The following CCDC88A variants were observed in gnomAD, a reference collection of about 807,000 sequenced individuals.
The protein encoded by CCDC88A is coiled-coil and HOOK domain protein 88A.
CCDC88A carries 54 observed loss-of-function variants against 234.3 expected under a neutral mutation model. The ratio of observed to expected loss-of-function variants is 0.23; its 90% CI spans 0.19 to 0.29. CCDC88A has a LOEUF of 0.29. Among genes scored for constraint, CCDC88A ranks in the 10% least tolerant of loss-of-function variants. The pLI, the probability that CCDC88A is intolerant of heterozygous loss-of-function variation, is 1.00. For synonymous variants in CCDC88A, 753 were observed against 737.8 expected, an observed-to-expected ratio of 1.02 and a Z score of -0.33; for missense variants, 1,832 against 2,123.4, an observed-to-expected ratio of 0.86 and a Z score of 2.70.
At chr2:55,363,709 C>G in intron 6 of CCDC88A, 1 of 340,946 alleles carries the variant, frequency 2.9e-6, no homozygotes. Flanking sequence ...CCTCATTCCT[C>G]AAATAACACT....
intron 8 of CCDC88A, among the ~76,000 whole-genome samples, chr2:55,353,997 C>T (rs552393077): frequency 2.2e-4 from 34 of 152,200 alleles, no homozygotes; most frequent in East Asian, 7.7e-4. Context: ...ATGGTATAGC[C>T]TATTGCTTCT....
intron 18 of CCDC88A, among the ~76,000 whole-genome samples, chr2:55,320,291 T>G (rs1683464694): frequency 6.6e-6 from 1 of 152,170 alleles, no homozygotes; most frequent in South Asian, 2.1e-4. Flanking sequence ...CTCTACCGAT[T>G]ATTCCAGGTG....
Position 55,312,439 on chromosome 2 carries a change from C to A in CCDC88A, c.4074G>T (p.Gln1358His). 1 of 1,611,282 alleles carries A rather than the reference C, an allele frequency of 6.2e-7. No homozygotes were observed. The highest frequency in any genetic ancestry group is 8.5e-7 in the Non-Finnish European group (1 of 1,178,660). The change falls in exon 23 of 33, where the codon CAG becomes CAT. Residue 1358 changes from glutamine (Q) to histidine (H), a missense_variant. Gln to His is a conservative substitution (Grantham distance 24, BLOSUM62 0). Around this residue, in one of 6 missense-constraint regions of CCDC88A, gnomAD observed 1,282 missense variants for 1,543.6 expected, o/e 0.83. Coordinates refer to ENST00000436346, the MANE Select transcript of CCDC88A (RefSeq NM_001365480.1). ...CAAAATTATTTGGTACCTACATGTA[C>A]TGTCTTTGTTCAACATGAAAAAGAT... ...SKDLFHVEQR[Q>H]YIDKLNELRR...
chr2:55,406,531 A>G (rs1257696371), intron 2 of CCDC88A, among the ~76,000 whole-genome samples: 1 of 152,090 alleles, frequency 6.6e-6, no homozygotes, highest in African/African-American at 2.4e-5. Flanking sequence ...AGGCAGGCTG[A>G]TCACTTGAGG....
chr2:55,301,756 C>A (rs1680926231), intron 27 of CCDC88A, 116 bp downstream of exon 27: 4 of 831,634 alleles, frequency 4.8e-6, no homozygotes, highest in Non-Finnish European at 7.9e-6. Flanking sequence ...CAATACAGAT[C>A]ATGTTTTGAT....
intron 2 of CCDC88A, among the ~76,000 whole-genome samples, chr2:55,393,611 G>C (rs908327849): frequency 4.6e-5 from 7 of 151,838 alleles, no homozygotes; most frequent in Non-Finnish European, 1.0e-4. Context: ...TAGAGTTTTT[G>C]AATGGTGAAT....
In CCDC88A at chr2:55,295,886, C is replaced by T; in HGVS notation, c.5262G>A (p.Leu1754=). 1.2e-6 allele frequency: 2 copies of T among 1,614,104 alleles called. No individual in the cohort carries two copies. Among genetic ancestry groups the T allele is most frequent in the Non-Finnish European group, 1.7e-6 (2 of 1,180,022 alleles). The part of the protein sequence containing the change: ...YDRRTTKPEF[L]RPGPRKTEDT... The stretch of plus-strand genomic sequence containing the variant: ...CTTCAGTTTTTCGAGGACCAGGTCT[C>T]AAAAACTCAGGCTTAGTTGTCCGTC... Residue 1754 remains leucine, a synonymous_variant, in exon 31 of 33, where the codon TTG becomes TTA. Transcript: ENST00000436346.
At position 55,294,176 on chromosome 2, in the gene CCDC88A, A is replaced by G. The variant is rs13406929; in HGVS notation, c.5551+1421T>C. The G allele has an allele frequency of 0.018, 14,245 of 784,722 alleles. 1,459 individuals are homozygous for G. The African/African-American group carries it at 0.23, about 13-fold the overall frequency. 48.6% of individuals were successfully genotyped at this position (784,722 alleles called of 1,614,324 possible). On this transcript the variant is annotated intron_variant, in intron 31 of 32. Transcript: ENST00000436346. ...AAAATACAAATTTCCAACACAATGA[A>G]TATAATTTGGTTTATTTCTCTTTGA...
intron 4 of CCDC88A, among the ~76,000 whole-genome samples, chr2:55,373,093 T>C (rs1238218144): frequency 2.0e-5 from 3 of 152,166 alleles, no homozygotes; most frequent in Admixed American, 2.0e-4. Flanking sequence ...GGAGAGAATA[T>C]TCCCTGTCCA....
chr2:55,297,927 C>T (rs1680391901), intron 29 of CCDC88A, among the ~76,000 whole-genome samples: 1 of 152,138 alleles, frequency 6.6e-6, no homozygotes, highest in Non-Finnish European at 1.5e-5. Context: ...TTACTTACAA[C>T]ATTTCAGTAA....
intron 25 of CCDC88A, among the ~76,000 whole-genome samples, chr2:55,304,348 A>T (rs1681270728): frequency 6.6e-6 from 1 of 152,206 alleles, no homozygotes; most frequent in Non-Finnish European, 1.5e-5. Context: ...TTAGTTCATT[A>T]CACTTCAGTA....
intron 25 of CCDC88A, among the ~76,000 whole-genome samples, chr2:55,305,574 C>A (rs1402808817): frequency 7.8e-6 from 1 of 128,722 alleles, no homozygotes; most frequent in Non-Finnish European, 1.5e-5. Context: ...TAAAGCCAGG[C>A]AGTGGTTCAT....
Position 55,339,520 on chromosome 2 carries a change from C to A in CCDC88A, c.1462G>T (p.Gly488Cys), listed in dbSNP as rs1668214677. 1 of 1,609,542 alleles carries A rather than the reference C, an allele frequency of 6.2e-7. No individual in the cohort carries two copies. Among genetic ancestry groups the A allele is most frequent in the Admixed American group, 1.7e-5 (1 of 59,140 alleles). ...ATTTTCAGGATTTTGGAAGCATTGC[C>A]TTCTACAGAATCCACAGTAGTCCGA... Reference protein sequence around the residue: ...ELRTTVDSVEGNASKILKMEK... With the variant: ...ELRTTVDSVECNASKILKMEK... The change falls in exon 13 of 33, where the codon GGC (glycine) becomes TGC (cysteine). Residue 488 changes from glycine (G) to cysteine (C), a missense_variant. By Grantham distance (159) the Gly-to-Cys change is radical (BLOSUM62 -3). This residue lies in a region of CCDC88A where 1,282 missense variants were observed against 1,543.6 expected (regional missense o/e 0.83). Transcript: ENST00000436346.
chr2:55,314,620 G>C (rs886902128), intron 22 of CCDC88A: 1 of 152,078 alleles, frequency 6.6e-6, no homozygotes, highest in Non-Finnish European at 1.5e-5. Flanking sequence ...GGCCAGGTTG[G>C]TCTTGAACTC....
Position 55,343,745 on chromosome 2 carries a change from A to G in CCDC88A, c.1236T>C (p.Asn412=). The G allele has an allele frequency of 6.2e-7, 1 of 1,610,926 alleles. No homozygotes were observed. Among genetic ancestry groups the G allele is most frequent in the Non-Finnish European group, 8.5e-7 (1 of 1,177,892 alleles). Residue 412 remains asparagine, a synonymous_variant, in exon 12 of 33, where the codon AAT becomes AAC. Transcript: ENST00000436346. ...RKKIEELMEE[N]MTLEMAQKQS... ...GTTTCTGTGCCATTTCCAAAGTCAT[A>G]TTTTCTTCCATTAATTCTTCAATCT...
intron 23 of CCDC88A, among the ~76,000 whole-genome samples, chr2:55,310,509 G>T (rs976211186): frequency 6.6e-6 from 1 of 152,114 alleles, no homozygotes; most frequent in Non-Finnish European, 1.5e-5. Flanking sequence ...CTGAACTCAG[G>T]AGTGGAGTTT....
rs765107314 is a variant in CCDC88A at position 55,289,458 on chromosome 2, G to C, written c.*1742C>G. On this transcript the variant is annotated 3_prime_UTR_variant, in exon 33 of 33. Coordinates refer to ENST00000436346, the MANE Select transcript of CCDC88A (RefSeq NM_001365480.1). ...TGAATCCAGGGAGTTATGAGAGAGA[G>C]AGATGTTTCAAAGTCTACGGAAAAG... The C allele has an allele frequency of 3.9e-5, 6 of 152,542 alleles. No individual in the cohort carries two copies. The highest frequency in any genetic ancestry group is 7.2e-5 in the African/African-American group (3 of 41,572). 9.4% of individuals were successfully genotyped at this position (152,542 alleles called of 1,614,324 possible).
At chr2:55,345,987 C>T in intron 10 of CCDC88A, 188 bp downstream of exon 10, 1 of 445,674 alleles carries the variant, frequency 2.2e-6, no homozygotes, top group South Asian at 4.9e-5. Flanking sequence ...TTAGTAATAT[C>T]CATAGATCCC....
chr2:55,401,324 C>T (rs1212133984), intron 2 of CCDC88A, among the ~76,000 whole-genome samples: 1 of 149,680 alleles, frequency 6.7e-6, no homozygotes, highest in African/African-American at 2.5e-5. Flanking sequence ...GTCCTAGCTA[C>T]GCAGGAGGCT....
Sources: allele counts gnomAD v4.1 joint callset (sites outside exome capture counted in the v4.1 genomes callset), GRCh38; gene constraint gnomAD v4.1.1; regional missense constraint gnomAD v4.1.1; transcripts MANE v1.5; gene names NCBI Gene and HGNC (gene_info 2026-07-23, HGNC 2026-07-21).